TRPM3: variants seen among roughly 807,000 people sequenced by gnomAD.
TRPM3 encodes long transient receptor potential channel 3.
In TRPM3, 77 loss-of-function variants were observed where a neutral mutation model predicts 181.2. The ratio of observed to expected loss-of-function variants is 0.42; its 90% CI spans 0.35 to 0.51. The LOEUF is 0.51. Among genes scored for constraint, TRPM3 ranks in the 20% least tolerant of loss-of-function variants. TRPM3 has a pLI of 0.01. For synonymous variants in TRPM3, 745 were observed against 796.4 expected (o/e 0.94, Z 1.09); for missense variants, 1,759 against 2,196.7 (o/e 0.80, Z 3.98).
intron 1 of TRPM3, among the ~76,000 whole-genome samples, chr9:71,032,065 T>TA (rs1565024179): frequency 8.5e-4 from 7 of 8,188 alleles, no homozygotes; most frequent in Admixed American, 3.0e-3. Flanking sequence ...ATATTATATA[T>TA]ATTATATTAT....
At chr9:71,049,278 C>T (rs1219360874) in intron 1 of TRPM3, among the ~76,000 whole-genome samples, 1 of 152,144 alleles carries the variant, frequency 6.6e-6, no homozygotes. Flanking sequence ...CCTCCACACA[C>T]ACGGCTCCAC....
intron 22 of TRPM3, among the ~76,000 whole-genome samples, chr9:70,583,804 T>C (rs893798225): frequency 8.5e-5 from 13 of 152,188 alleles, no homozygotes; most frequent in African/African-American, 2.9e-4. Flanking sequence ...CTTATACTAC[T>C]AGAGTTCCAG....
chr9:70,633,814 T>G (rs952191012), intron 12 of TRPM3, among the ~76,000 whole-genome samples: 3 of 152,214 alleles, frequency 2.0e-5, no homozygotes, highest in African/African-American at 7.2e-5. Flanking sequence ...ACTTTGTAGG[T>G]TTCTCTGAAT....
chr9:71,314,706 C>T (rs559956224), intron 1 of TRPM3, among the ~76,000 whole-genome samples: 1 of 152,192 alleles, frequency 6.6e-6, no homozygotes, highest in East Asian at 1.9e-4. Flanking sequence ...AATCCCCCAA[C>T]TAGAACAAGT....
chr9:71,048,779 A>T (rs2059747955), intron 1 of TRPM3, among the ~76,000 whole-genome samples: 1 of 152,188 alleles, frequency 6.6e-6, no homozygotes, highest in South Asian at 2.1e-4. Flanking sequence ...GCAGTGTCCA[A>T]TTTCTGAGAC....
intron 1 of TRPM3, among the ~76,000 whole-genome samples, chr9:70,944,666 C>T (rs527854891): frequency 3.9e-5 from 6 of 152,248 alleles, no homozygotes; most frequent in African/African-American, 1.4e-4. Flanking sequence ...CCAGGAGATA[C>T]TTGATTTAGG....
chr9:70,660,892 C>T (rs1203460868), intron 9 of TRPM3, among the ~76,000 whole-genome samples: 1 of 152,008 alleles, frequency 6.6e-6, no homozygotes, highest in African/African-American at 2.4e-5. Flanking sequence ...TGAAACTATT[C>T]CAAATGATAG....
chr9:70,603,762 G>T (rs1201511303), intron 19 of TRPM3, among the ~76,000 whole-genome samples: 3 of 152,144 alleles, frequency 2.0e-5, no homozygotes, highest in African/African-American at 7.2e-5. Flanking sequence ...ACCCATTTTT[G>T]TGTGTTTTCT....
intron 1 of TRPM3, among the ~76,000 whole-genome samples, chr9:71,304,561 C>T (rs2087086990): frequency 6.6e-6 from 1 of 152,122 alleles, no homozygotes; most frequent in South Asian, 2.1e-4. Context: ...AGTCAAGTTC[C>T]GTTTTAAATT....
chr9:71,314,458 G>T (rs114269998), intron 1 of TRPM3, among the ~76,000 whole-genome samples: 1 of 151,878 alleles, frequency 6.6e-6, no homozygotes, highest in Non-Finnish European at 1.5e-5. Context: ...TTTAAAATTG[G>T]GAAAATTATT....
At chr9:71,272,737 TA>T (rs144349439) in intron 1 of TRPM3, among the ~76,000 whole-genome samples, 43,497 of 152,000 alleles carry the variant, frequency 0.29, 6,447 homozygotes, top group Middle Eastern at 0.51. Context: ...TATGATCATA[TA>T]TTTTTTAGTG....
chr9:71,202,514 C>T (rs563727376), intron 1 of TRPM3, among the ~76,000 whole-genome samples: 17 of 152,228 alleles, frequency 1.1e-4, no homozygotes, highest in South Asian at 8.3e-4. Context: ...ACTTCATAGG[C>T]AGAATAAGAG....
chr9:71,065,439 C>T (rs116187381), intron 1 of TRPM3, among the ~76,000 whole-genome samples: 433 of 152,126 alleles, frequency 2.8e-3, no homozygotes, highest in African/African-American at 9.7e-3. Flanking sequence ...CCTCTGAACA[C>T]GGGAGAGTTA....
At chr9:71,023,905 C>T (rs2097867231) in intron 1 of TRPM3, among the ~76,000 whole-genome samples, 1 of 152,130 alleles carries the variant, frequency 6.6e-6, no homozygotes. Flanking sequence ...GGATGGAACT[C>T]CTCTGCTTCT....
intron 22 of TRPM3, among the ~76,000 whole-genome samples, chr9:70,582,181 C>T (rs868374597): frequency 0.011 from 1,585 of 149,258 alleles, 20 homozygotes; most frequent in African/African-American, 0.034. Context: ...CCACCCTGTG[C>T]GTGTGTGTGT....
intron 6 of TRPM3, among the ~76,000 whole-genome samples, chr9:70,811,846 A>G (rs1381402118): frequency 6.6e-6 from 1 of 152,152 alleles, no homozygotes; most frequent in African/African-American, 2.4e-5. Flanking sequence ...CTAACATGTT[A>G]CTCAACATGC....
At chr9:70,830,885 C>G (rs1349782974) in intron 5 of TRPM3, among the ~76,000 whole-genome samples, 1 of 152,140 alleles carries the variant, frequency 6.6e-6, no homozygotes, top group South Asian at 2.1e-4. Context: ...CGGCTCTGCT[C>G]TATTTTACCA....
chr9:70,811,873 G>A (rs1327655008), intron 6 of TRPM3, among the ~76,000 whole-genome samples: 1 of 152,034 alleles, frequency 6.6e-6, no homozygotes, highest in African/African-American at 2.4e-5. Flanking sequence ...TTATTAATTG[G>A]ACTGATTCCT....
chr9:71,434,742 C>T (rs993158976), intron 1 of TRPM3, among the ~76,000 whole-genome samples: 9 of 152,186 alleles, frequency 5.9e-5, no homozygotes, highest in Non-Finnish European at 1.0e-4. Flanking sequence ...CCCAACTTCT[C>T]ACCTTATTTG....
Sources: gnomAD v4.1 joint callset for allele counts (sites outside exome capture counted in the v4.1 genomes callset) on GRCh38, gnomAD v4.1.1 for gene constraint, MANE v1.5 for transcripts, NCBI Gene and HGNC (gene_info 2026-07-23, HGNC 2026-07-21) for gene names.